Variants in VPS35L observed in about 807,000 individuals in gnomAD.
VPS35L encodes the protein VPS35 endosomal protein sorting factor like.
VPS35L carries 83 observed loss-of-function variants against 133.0 expected under a neutral mutation model. The ratio of observed to expected loss-of-function variants is 0.62; its 90% CI spans 0.52 to 0.75. The LOEUF (loss-of-function observed/expected upper bound fraction) is 0.75. Among genes scored for constraint, VPS35L ranks in the 30% least tolerant of loss-of-function variants. The pLI is 0.00. For synonymous variants in VPS35L, 423 were observed against 449.9 expected, an observed-to-expected ratio of 0.94 and a Z score of 0.76; for missense variants, 1,083 against 1,206.8, an observed-to-expected ratio of 0.90 and a Z score of 1.52.
At chr16:19,620,240 A>G (rs1973033500) in intron 14 of VPS35L, among the ~76,000 whole-genome samples, 1 of 152,180 alleles carries the variant, frequency 6.6e-6, no homozygotes, top group Non-Finnish European at 1.5e-5. Context: ...TCTGGAGATC[A>G]CCTTAAAAAA....
rs564244838 is a variant in VPS35L at position 19,689,870 on chromosome 16, G to A, written c.2528-1483G>A. On this transcript the variant is annotated intron_variant, in intron 28 of 30. Coordinates refer to ENST00000417362, the MANE Select transcript of VPS35L (RefSeq NM_020314.7). ...TTGGAACGTATCCCCCAAGGATAAG[G>A]GGGCATTATTGTATGCTGATATAAA... Among the ~76,000 whole-genome samples, 5 of 152,218 alleles carry A rather than the reference G, an allele frequency of 3.3e-5. No homozygotes were observed. In the East Asian group the frequency reaches 9.7e-4, roughly 29 times the overall value.
In VPS35L at chr16:19,601,525, C is replaced by T. The variant is rs144082154; in HGVS notation, c.725-139C>T. ...AAAAAAAATGTGGCTTAAAATCTGT[C>T]CCACCAGGTGGCAGCATACCATCAC... is the stretch of plus-strand genomic sequence containing the variant. On this transcript the variant is annotated intron_variant, in intron 8 of 30. Coordinates refer to ENST00000417362, the MANE Select transcript of VPS35L (RefSeq NM_020314.7). The T allele has an allele frequency of 5.4e-3, 4,024 of 746,360 alleles. 26 individuals carry two copies. The highest frequency in any genetic ancestry group is 7.1e-3 in the Non-Finnish European group (3,322 of 470,630). 46.2% of individuals were successfully genotyped at this position (746,360 alleles called of 1,614,324 possible). A position where few individuals can be genotyped will look rare whatever the true frequency, so the allele number is the denominator to read the frequency against.
At chr16:19,679,252 C>A (rs902644736) in intron 27 of VPS35L, among the ~76,000 whole-genome samples, 1 of 151,844 alleles carries the variant, frequency 6.6e-6, no homozygotes, top group Non-Finnish European at 1.5e-5. Flanking sequence ...GGATGTCAGA[C>A]TTTTGAGCAT....
At chr16:19,556,765 C>G (rs902863032) in intron 1 of VPS35L, among the ~76,000 whole-genome samples, 4 of 151,536 alleles carry the variant, frequency 2.6e-5, no homozygotes, top group South Asian at 2.1e-4. Context: ...TTCCTTGACA[C>G]GCTACATCAG....
chr16:19,652,173 G>A (rs1212386076), intron 26 of VPS35L, 83 bp downstream of exon 26: 4 of 978,576 alleles, frequency 4.1e-6, no homozygotes, highest in African/African-American at 3.3e-5. Flanking sequence ...TGTGTAGAGA[G>A]AGACAAAGAT....
intron 3 of VPS35L, 33 bp from the exon 4 acceptor site, chr16:19,573,086 T>C: frequency 6.2e-7 from 1 of 1,603,208 alleles, no homozygotes; most frequent in South Asian, 1.1e-5. Context: ...AAAATGATAT[T>C]GCTGCTGAAG....
chr16:19,648,256 C>T (rs1234006293), intron 24 of VPS35L, among the ~76,000 whole-genome samples: 2 of 152,174 alleles, frequency 1.3e-5, no homozygotes, highest in African/African-American at 2.4e-5. Context: ...AGAACCACTG[C>T]GCCCACCCTT....
chr16:19,641,363 G>A (rs374665336), intron 21 of VPS35L, among the ~76,000 whole-genome samples: 16 of 152,132 alleles, frequency 1.1e-4, no homozygotes, highest in African/African-American at 2.9e-4. Context: ...CACCACACCC[G>A]GCCTGTTTTT....
chr16:19,655,979 C>T (rs954214531), intron 26 of VPS35L, among the ~76,000 whole-genome samples: 5 of 151,908 alleles, frequency 3.3e-5, no homozygotes, highest in East Asian at 1.9e-4. Context: ...ACGTGTTTTA[C>T]GGGCTAGGCG....
chr16:19,609,369 C>T (rs1287082808), intron 11 of VPS35L, among the ~76,000 whole-genome samples: 1 of 152,158 alleles, frequency 6.6e-6, no homozygotes, highest in Non-Finnish European at 1.5e-5. Context: ...CTCCTGGGAA[C>T]ATGACCCTAA....
chr16:19,555,866 C>T (rs2151493152), intron 1 of VPS35L, 120 bp downstream of exon 1: 2 of 1,383,070 alleles, frequency 1.4e-6, no homozygotes, highest in Non-Finnish European at 1.9e-6. Context: ...CCGGCCACCC[C>T]CAAGTTGTCT....
At chr16:19,659,015 C>T (rs1030606214) in intron 26 of VPS35L, among the ~76,000 whole-genome samples, 1 of 152,172 alleles carries the variant, frequency 6.6e-6, no homozygotes, top group Non-Finnish European at 1.5e-5. Flanking sequence ...CACTGTGCCT[C>T]TCTATATTAG....
rs546470667 is a variant in VPS35L at position 19,588,214 on chromosome 16, C to T, written c.640-3576C>T. On this transcript the variant is annotated intron_variant, in intron 7 of 30. Transcript: ENST00000417362. ...ATTTATTTATTGAGACAGAGTCTTG[C>T]TCTGTTGTCCAGGCTGGAGTGCAGT... is the stretch of plus-strand genomic sequence containing the variant. Among the ~76,000 whole-genome samples, 366 of 148,156 alleles carry T rather than the reference C, an allele frequency of 2.5e-3. 3 individuals are homozygous for T. Among genetic ancestry groups the T allele is most frequent in the Middle Eastern group, 3.4e-3 (1 of 290 alleles).
chr16:19,590,643 C>CA (rs940359744), intron 7 of VPS35L, among the ~76,000 whole-genome samples: 3 of 151,934 alleles, frequency 2.0e-5, no homozygotes, highest in African/African-American at 7.3e-5. Context: ...GACGAGTACT[C>CA]AAAAAAAGAG....
At chr16:19,680,503 G>A (rs1370268912) in intron 27 of VPS35L, among the ~76,000 whole-genome samples, 1 of 152,162 alleles carries the variant, frequency 6.6e-6, no homozygotes, top group African/African-American at 2.4e-5. Flanking sequence ...CTGTCCTCCT[G>A]GAGGTTATAG....
rs922099869 is a variant in VPS35L, at chr16:19,666,222, C to T, written c.2222-2938C>T. ...TCCATTTTTGCTTTGGTTGCCTGTGCTTGTGGGGTATTACTCAAAGAGGGG... is the reference window on the plus strand; with the variant it reads ...TCCATTTTTGCTTTGGTTGCCTGTGTTTGTGGGGTATTACTCAAAGAGGGG... On this transcript the variant is annotated intron_variant, in intron 26 of 30. Transcript: ENST00000417362. 7.2e-5 allele frequency among the ~76,000 whole-genome samples: 11 copies of T among 152,016 alleles called. No individual in the cohort carries two copies. In the East Asian group the frequency reaches 2.1e-3, roughly 29 times the overall value.
intron 28 of VPS35L, among the ~76,000 whole-genome samples, chr16:19,687,158 G>A (rs913780695): frequency 1.3e-5 from 2 of 152,166 alleles, no homozygotes; most frequent in Non-Finnish European, 2.9e-5. Context: ...GCCTTATTCA[G>A]TAGGTGTTGC....
chr16:19,621,508 C>T (rs1281434240), intron 14 of VPS35L, among the ~76,000 whole-genome samples: 2 of 152,212 alleles, frequency 1.3e-5, no homozygotes, highest in African/African-American at 4.8e-5. Context: ...AAGCAAATGC[C>T]TGCCTTGTGA....
At chr16:19,619,919 A>T (rs1973022705) in intron 14 of VPS35L, among the ~76,000 whole-genome samples, 1 of 152,108 alleles carries the variant, frequency 6.6e-6, no homozygotes, top group East Asian at 1.9e-4. Context: ...TGCAGAGTAG[A>T]ACTGTGTGTA....
Sources: allele counts gnomAD v4.1 joint callset (sites outside exome capture counted in the v4.1 genomes callset), GRCh38; gene constraint gnomAD v4.1.1; transcripts MANE v1.5; gene names NCBI Gene and HGNC (gene_info 2026-07-23, HGNC 2026-07-21).